Variants in DNAH5 observed in about 807,000 individuals in gnomAD.
The protein encoded by DNAH5 is dynein axonemal heavy chain 5.
DNAH5 carries 372 observed loss-of-function variants against 518.2 expected under a neutral mutation model. The observed-to-expected ratio is 0.72, with a 90% confidence interval of 0.66 to 0.78. The LOEUF (loss-of-function observed/expected upper bound fraction) is 0.78. Among genes scored for constraint, DNAH5 ranks in the 30% least tolerant of loss-of-function variants. The probability of loss-of-function intolerance (pLI) is 0.00; values close to 1 mark genes in which losing one functional copy is unlikely to be tolerated. For missense variants in DNAH5, 5,523 were observed against 5,687.0 expected, an observed-to-expected ratio of 0.97 and a Z score of 0.93; for synonymous variants, 2,039 against 2,025.9, an observed-to-expected ratio of 1.01 and a Z score of -0.17.
In DNAH5 at chr5:13,758,897, C is replaced by T. The variant is rs767316134; in HGVS notation, c.10368G>A (p.Ala3456=). 1.7e-5 allele frequency: 28 copies of T among 1,614,060 alleles called. No individual in the cohort carries two copies. Among genetic ancestry groups the T allele is most frequent in the African/African-American group, 9.3e-5 (7 of 74,930 alleles). The change falls in exon 61 of 79, where the codon GCG becomes GCA. Residue 3456 remains alanine, a synonymous_variant. Transcript: ENST00000265104. ...KAQAELDDKQ[A]ELDVVQAEYE... ...ACTCAGCCTGCACCACGTCAAGTTC[C>T]GCCTGCTTGTCATCCAACTCGGCCT...
chr5:13,780,654 T>A (rs1754963056), intron 53 of DNAH5, among the ~76,000 whole-genome samples, 175 bp downstream of exon 53: 1 of 152,180 alleles, frequency 6.6e-6, no homozygotes, highest in South Asian at 2.1e-4. Context: ...ATTATGACTG[T>A]GAAATGTTTA....
At chr5:13,994,283 AG>A (rs1244374026) in intron 1 of DNAH5, among the ~76,000 whole-genome samples, 1 of 152,108 alleles carries the variant, frequency 6.6e-6, no homozygotes, top group Non-Finnish European at 1.5e-5. Context: ...GAGTTCCCCG[AG>A]CCCCCAACAA....
rs559328186 is a variant in DNAH5 at position 13,691,612 on chromosome 5, T to C, written c.*372A>G. The stretch of plus-strand genomic sequence containing the variant: ...ACTTGCCCTGTTACCTTCAAGAACT[T>C]GGCTGTTACCAGGCCACGTTAACAG... On this transcript the variant is annotated 3_prime_UTR_variant, in exon 79 of 79. Coordinates refer to ENST00000265104, the MANE Select transcript of DNAH5 (RefSeq NM_001369.3). 8 of 227,758 alleles carry C rather than the reference T, an allele frequency of 3.5e-5. No homozygotes were observed. The highest frequency in any genetic ancestry group is 5.3e-5 in the Admixed American group (1 of 18,942). The allele number at this position is 227,758 out of a possible 1,614,324, so 14.1% of individuals were successfully genotyped here. A position where few individuals can be genotyped will look rare whatever the true frequency, so the allele number is the denominator to read the frequency against.
intron 22 of DNAH5, 28 bp downstream of exon 22, chr5:13,876,656 G>C (rs1056000342): frequency 1.2e-6 from 2 of 1,609,766 alleles, no homozygotes; most frequent in African/African-American, 2.7e-5. Flanking sequence ...AAAGCAAAAG[G>C]TCCGGCTGCC....
At chr5:13,716,943 G>A (rs1189647192) in intron 73 of DNAH5, among the ~76,000 whole-genome samples, 1 of 152,140 alleles carries the variant, frequency 6.6e-6, no homozygotes, top group South Asian at 2.1e-4. Flanking sequence ...ATAGAAAATA[G>A]TGTTTGCTTT....
At chr5:13,912,535 G>A (rs1219043636) in intron 11 of DNAH5, among the ~76,000 whole-genome samples, 2 of 151,514 alleles carry the variant, frequency 1.3e-5, no homozygotes, top group African/African-American at 4.8e-5. Context: ...GATTTACAGT[G>A]CTGATATCCC....
At chr5:13,764,182 A>G (rs934436608) in intron 59 of DNAH5, among the ~76,000 whole-genome samples, 2 of 152,242 alleles carry the variant, frequency 1.3e-5, no homozygotes, top group Non-Finnish European at 2.9e-5. Context: ...GAAGAAAACT[A>G]GAAATCTGCC....
chr5:13,737,444 T>C lies in DNAH5; in HGVS notation c.11263A>G (p.Arg3755Gly), dbSNP rs1747686698. ...TTATCTTCTAGTTCCTTCATCCTTC[T>C]TTTGTTTGCAGTTACATCTTCCATC... The part of the protein sequence containing the change: ...HLMEDVTANK[R>G]RMKELEDNLL... The change falls in exon 66 of 79, where the codon AGA (arginine) becomes GGA (glycine). Residue 3755 changes from arginine to glycine, a missense_variant. By Grantham distance (125) the Arg-to-Gly change is moderately radical. Coordinates refer to ENST00000265104, the MANE Select transcript of DNAH5 (RefSeq NM_001369.3). 1.2e-6 allele frequency: 2 copies of C among 1,614,156 alleles called. No homozygotes were observed. The highest frequency in any genetic ancestry group is 2.2e-5 in the South Asian group (2 of 91,084).
In DNAH5 at chr5:13,707,526, G is replaced by T. The variant is rs1742955710; in HGVS notation, c.13338+597C>A. Among the ~76,000 whole-genome samples, 1 of 152,096 alleles carries T rather than the reference G, an allele frequency of 6.6e-6. No homozygotes were observed. The highest frequency in any genetic ancestry group is 1.5e-5 in the Non-Finnish European group (1 of 68,026). ...ACACTAACCCTAGACACTGCCATGG[G>T]GTTGGAGCCCCAGAACAGTCCCTAC... is the stretch of plus-strand genomic sequence containing the variant. On this transcript the variant is annotated intron_variant, in intron 76 of 78. Coordinates refer to ENST00000265104, the MANE Select transcript of DNAH5 (RefSeq NM_001369.3). This position sits in a 1 kb window ranked among gnomAD's most constrained non-coding sequence, Gnocchi z 4.0.
intron 30 of DNAH5, among the ~76,000 whole-genome samples, chr5:13,854,812 G>C (rs1580602234): frequency 6.6e-6 from 1 of 152,290 alleles, no homozygotes; most frequent in Non-Finnish European, 1.5e-5. Flanking sequence ...GCAATGAGAA[G>C]AGCTAACTAT....
Position 13,704,152 on chromosome 5 carries a change from T to C in DNAH5, c.13339-2716A>G, listed in dbSNP as rs559740210. ...CAGCTCCTGAAGTATGATCAGTGAC[T>C]TGGCACTAGGGCAGCAGCAGGTTGG... On this transcript the variant is annotated intron_variant, in intron 76 of 78. Coordinates refer to ENST00000265104, the MANE Select transcript of DNAH5 (RefSeq NM_001369.3). Among the ~76,000 whole-genome samples, 6 of 152,272 alleles carry C rather than the reference T, an allele frequency of 3.9e-5. No homozygotes were observed. In the East Asian group the frequency reaches 7.7e-4, roughly 20 times the overall value.
intron 65 of DNAH5, among the ~76,000 whole-genome samples, chr5:13,740,830 C>T (rs1477219728): frequency 2.0e-5 from 3 of 152,184 alleles, no homozygotes; most frequent in African/African-American, 4.8e-5. Context: ...AGCCCACCAG[C>T]TGACTCCCCA....
At chr5:13,865,585 G>T in intron 27 of DNAH5, 83 bp downstream of exon 27, 1 of 856,558 alleles carries the variant, frequency 1.2e-6, no homozygotes, top group Non-Finnish European at 2.0e-6. Flanking sequence ...AATAGCTGGG[G>T]TGAAAAGAGA....
intron 1 of DNAH5, among the ~76,000 whole-genome samples, chr5:14,008,158 C>T (rs1253277633): frequency 1.5e-5 from 2 of 129,510 alleles, no homozygotes; most frequent in African/African-American, 3.0e-5. Context: ...GGCGATAGAG[C>T]GAGAATCCGT....
At chr5:13,824,354 T>C in intron 38 of DNAH5, 21 bp from the exon 39 acceptor site, 1 of 1,613,482 alleles carries the variant, frequency 6.2e-7, no homozygotes, top group Non-Finnish European at 8.5e-7. Context: ...TGAGATACAT[T>C]GGGCTTATTT....
chr5:13,747,669 G>A (rs2126673201), intron 65 of DNAH5, among the ~76,000 whole-genome samples: 1 of 152,244 alleles, frequency 6.6e-6, no homozygotes, highest in Middle Eastern at 3.4e-3. Context: ...GTGTCTGTTG[G>A]CTGCATAAAT....
At chr5:13,948,716 A>C (rs890658700), upstream of DNAH5, among the ~76,000 whole-genome samples, 6 of 152,196 alleles carry the variant, frequency 3.9e-5, no homozygotes, top group Non-Finnish European at 7.3e-5. Context: ...GCAGGCAATT[A>C]AGGAGTCACT....
chr5:13,950,048 T>A (rs7720148), intron 1 of DNAH5, among the ~76,000 whole-genome samples: 32,156 of 152,158 alleles, frequency 0.21, 4,047 homozygotes, highest in Non-Finnish European at 0.28. Context: ...CCAAGCATAC[T>A]GCATGCTGAA....
chr5:13,788,378 C>A (rs796241269), intron 51 of DNAH5, among the ~76,000 whole-genome samples: 11 of 152,212 alleles, frequency 7.2e-5, no homozygotes, highest in African/African-American at 2.6e-4. Context: ...AAGAGAGTGC[C>A]GAGATGCCCA....
Sources: allele counts gnomAD v4.1 joint callset (sites outside exome capture counted in the v4.1 genomes callset), GRCh38; gene constraint gnomAD v4.1.1; non-coding constraint Gnocchi (gnomAD v3.1); transcripts MANE v1.5; gene names NCBI Gene and HGNC (gene_info 2026-07-23, HGNC 2026-07-21).